SPIRE2: variants seen among roughly 807,000 people sequenced by gnomAD.
SPIRE2 encodes the protein spire type actin nucleation factor 2.
Under a neutral mutation model 80.7 loss-of-function variants are expected in SPIRE2, and 76 were observed. The observed-to-expected ratio is 0.94, with a 90% CI of 0.78 to 1.14. SPIRE2 has a LOEUF of 1.14. Ranked by LOEUF, SPIRE2 falls within the 50% of genes most tolerant of loss-of-function variation. SPIRE2 has a pLI of 0.00. For synonymous variants in SPIRE2, 535 were observed against 432.6 expected (o/e 1.24, Z -2.94); for missense variants, 1,196 against 1,015.3 (o/e 1.18, Z -2.42).
In SPIRE2 at chr16:89,828,511, G is replaced by A. The variant is rs1299764509; in HGVS notation, c.-40G>A. The A allele has an allele frequency of 5.9e-6, 6 of 1,019,974 alleles. No homozygotes were observed. In the African/African-American group the frequency reaches 1.0e-4, roughly 18 times the overall value. The allele number at this position is 1,019,974 out of a possible 1,614,324, so 63.2% of individuals were successfully genotyped here. ...GCGCGGCGGAAGGCGCGGCTGCATG[G>A]ACGCGGGTCCGGCGCGCGGGAGGCG... On this transcript the variant is annotated 5_prime_UTR_variant, in exon 1 of 15. Transcript: ENST00000378247. This position sits in a 1 kb window ranked among gnomAD's most constrained non-coding sequence, Gnocchi z 5.9.
chr16:89,861,179 C>T (rs1284716173), intron 10 of SPIRE2, among the ~76,000 whole-genome samples: 2 of 152,224 alleles, frequency 1.3e-5, no homozygotes, highest in South Asian at 2.1e-4. Flanking sequence ...TGCTCAGCCC[C>T]TCTGCCCTCG....
chr16:89,859,308 C>T lies in SPIRE2; in HGVS notation c.1416C>T (p.Pro472=). 2 of 1,596,792 alleles carry T rather than the reference C, an allele frequency of 1.3e-6. No homozygotes were observed. The highest frequency in any genetic ancestry group is 1.7e-6 in the Non-Finnish European group (2 of 1,176,958). ...HPPGGTEPPR[P]RAGSAHVWRP... is the part of the protein sequence containing the mutation. ...CAGGAGGGACGGAGCCACCACGGCC[C>T]CGAGCTGGCAGTGCGCATGTGTGGA... The change falls in exon 9 of 15, where the codon CCC becomes CCT. Residue 472 remains proline, a synonymous_variant. Transcript: ENST00000378247.
Position 89,859,344 on chromosome 16 carries a change from C to T in SPIRE2, c.1452C>T (p.Ser484=). 6.4e-7 allele frequency: 1 copy of T among 1,566,894 alleles called. No individual in the cohort carries two copies. Among genetic ancestry groups the T allele is most frequent in the Non-Finnish European group, 8.6e-7 (1 of 1,161,172 alleles). ...AGSAHVWRPG[S]RDQGTCPASV... is the part of the protein sequence containing the mutation. Reference sequence around the variant, plus strand: ...GTGCGCATGTGTGGAGGCCCGGCTCCCGAGACCAGGGCAAGTGCTGCTTCT... The same window carrying T: ...GTGCGCATGTGTGGAGGCCCGGCTCTCGAGACCAGGGCAAGTGCTGCTTCT... The change falls in exon 9 of 15, where the codon TCC becomes TCT. Residue 484 remains serine, a synonymous_variant. Transcript: ENST00000378247.
chr16:89,863,783 T>C lies in SPIRE2; in HGVS notation c.1711-11T>C, dbSNP rs1443345811. On this transcript the variant is annotated splice_polypyrimidine_tract_variant and intron_variant, in intron 11 of 14. Coordinates refer to ENST00000378247, the MANE Select transcript of SPIRE2 (RefSeq NM_032451.2). The surrounding 1 kb of genome is among the most constrained non-coding windows in gnomAD (Gnocchi z 4.3). ...GGACAAAGCGGGGCTCTAACCAGTC[T>C]CTCCTGACAGATTTGCTGCTGCTGC... 1.9e-6 allele frequency: 3 copies of C among 1,613,772 alleles called. No homozygotes were observed. Among genetic ancestry groups the C allele is most frequent in the Non-Finnish European group, 2.5e-6 (3 of 1,179,892 alleles).
At chr16:89,850,281 G>A (rs1460867232) in intron 2 of SPIRE2, 23 bp from the exon 3 acceptor site, 3 of 1,596,064 alleles carry the variant, frequency 1.9e-6, no homozygotes, top group Non-Finnish European at 1.7e-6. Context: ...GTACCGCCCA[G>A]TGACCGCGCC....
At chr16:89,848,084 G>A (rs534369180) in intron 2 of SPIRE2, among the ~76,000 whole-genome samples, 18 of 152,218 alleles carry the variant, frequency 1.2e-4, no homozygotes, top group Non-Finnish European at 2.4e-4. Context: ...CACATTTCCC[G>A]CTACGCTGTC....
chr16:89,857,591 A>G (rs1202568029), intron 7 of SPIRE2, among the ~76,000 whole-genome samples: 1 of 149,580 alleles, frequency 6.7e-6, no homozygotes, highest in Non-Finnish European at 1.5e-5. Flanking sequence ...TTTTTTTGAG[A>G]TGGAGTTTCG....
chr16:89,841,719 T>C (rs943718732), intron 1 of SPIRE2, among the ~76,000 whole-genome samples: 1 of 151,980 alleles, frequency 6.6e-6, no homozygotes, highest in Admixed American at 6.6e-5. Flanking sequence ...TTTTTTGAGA[T>C]GGAGTTTTGC....
At chr16:89,840,448 A>G (rs552262584) in intron 1 of SPIRE2, among the ~76,000 whole-genome samples, 10 of 149,484 alleles carry the variant, frequency 6.7e-5, no homozygotes, top group East Asian at 2.0e-4. Context: ...ACGGGGTTTC[A>G]CCGTGTTAGC....
intron 1 of SPIRE2, among the ~76,000 whole-genome samples, chr16:89,837,705 G>A (rs1028961594): frequency 3.3e-5 from 5 of 151,918 alleles, no homozygotes; most frequent in Admixed American, 2.0e-4. Context: ...CGCACCTCCC[G>A]GACTCGGGTC....
At position 89,869,550 on chromosome 16, in the gene SPIRE2, C is replaced by G. The variant is rs758728851; in HGVS notation, c.1807-17C>G. On this transcript the variant is annotated splice_polypyrimidine_tract_variant and intron_variant, in intron 13 of 14. Coordinates refer to ENST00000378247, the MANE Select transcript of SPIRE2 (RefSeq NM_032451.2). Reference sequence around the variant, plus strand: ...TCTGGTGGTGCCTGGTTCATACCTCCTCCCTCTGTGCTGCAGATGAAGATG... The same window carrying G: ...TCTGGTGGTGCCTGGTTCATACCTCGTCCCTCTGTGCTGCAGATGAAGATG... 9.6e-6 allele frequency: 15 copies of G among 1,558,172 alleles called. No homozygotes were observed. Among genetic ancestry groups the G allele is most frequent in the African/African-American group, 4.1e-5 (3 of 73,864 alleles).
chr16:89,841,318 C>T (rs1057390377), intron 1 of SPIRE2, among the ~76,000 whole-genome samples: 4 of 152,164 alleles, frequency 2.6e-5, no homozygotes, highest in African/African-American at 9.7e-5. Context: ...CTGCCTCCCA[C>T]CTTAGCATGG....
intron 2 of SPIRE2, among the ~76,000 whole-genome samples, chr16:89,847,767 G>A (rs562197649): frequency 1.8e-4 from 28 of 152,344 alleles, no homozygotes; most frequent in Admixed American, 3.3e-4. Flanking sequence ...TGCCTGCCCA[G>A]AATTTTCCTT....
At chr16:89,836,367 G>T in intron 1 of SPIRE2, 1 of 403,448 alleles carries the variant, frequency 2.5e-6, no homozygotes, top group Non-Finnish European at 5.1e-6. Context: ...GACTGCAGCG[G>T]ACCGGGGGCC....
At chr16:89,845,532 A>ATC in intron 2 of SPIRE2, 167 bp downstream of exon 2, 2 of 751,622 alleles carry the variant, frequency 2.7e-6, no homozygotes, top group Non-Finnish European at 4.7e-6. Context: ...AACGCTGTTC[A>ATC]CAGAGAGCAG....
chr16:89,833,419 C>T (rs991529949), intron 1 of SPIRE2, among the ~76,000 whole-genome samples: 11 of 152,248 alleles, frequency 7.2e-5, no homozygotes, highest in Admixed American at 4.6e-4. Flanking sequence ...CCACCGCACC[C>T]GCCTGGCCAA....
chr16:89,848,030 G>A (rs1211242632), intron 2 of SPIRE2, among the ~76,000 whole-genome samples: 1 of 152,184 alleles, frequency 6.6e-6, no homozygotes, highest in African/African-American at 2.4e-5. Context: ...CGCGACCAGG[G>A]ACAGCACGAG....
chr16:89,866,295 T>A (rs2041788384), intron 12 of SPIRE2, among the ~76,000 whole-genome samples: 1 of 148,070 alleles, frequency 6.8e-6, no homozygotes, highest in African/African-American at 2.5e-5. Flanking sequence ...CATGTTTGAA[T>A]TTTTTTTTTT....
At chr16:89,835,714 C>G (rs192165618) in intron 1 of SPIRE2, among the ~76,000 whole-genome samples, 1 of 152,282 alleles carries the variant, frequency 6.6e-6, no homozygotes, top group Admixed American at 6.5e-5. Context: ...TGGAAACACA[C>G]CTGGTAATTA....
Sources: allele counts gnomAD v4.1 joint callset (sites outside exome capture counted in the v4.1 genomes callset), GRCh38; gene constraint gnomAD v4.1.1; non-coding constraint Gnocchi (gnomAD v3.1); transcripts MANE v1.5; gene names NCBI Gene and HGNC (gene_info 2026-07-23, HGNC 2026-07-21).